Variants in MAPK10 observed in about 807,000 individuals in gnomAD.
MAPK10 encodes the protein JNK3 alpha protein kinase.
Under a neutral mutation model 59.3 loss-of-function variants are expected in MAPK10, and 25 were observed. The observed-to-expected ratio is 0.42, with a 90% CI of 0.31 to 0.59. MAPK10 has a LOEUF of 0.59. Ranked by LOEUF, MAPK10 falls within the 20% of genes least tolerant of loss-of-function variation. The pLI is 0.15. For missense variants in MAPK10, 351 were observed against 568.9 expected (o/e 0.62, Z 3.90); for synonymous variants, 190 against 200.5 (o/e 0.95, Z 0.44).
chr4:86,574,470 G>C (rs1578154717), intron 1 of MAPK10, among the ~76,000 whole-genome samples: 1 of 151,684 alleles, frequency 6.6e-6, no homozygotes, highest in East Asian at 1.9e-4. Flanking sequence ...AGATCCCTGA[G>C]GAGTCGCCAC....
At chr4:86,114,801 C>T (rs888926015) in intron 4 of MAPK10, among the ~76,000 whole-genome samples, 4 of 152,234 alleles carry the variant, frequency 2.6e-5, no homozygotes, top group African/African-American at 4.8e-5. Context: ...AGACTGTGGC[C>T]GCTCCTCCCC....
rs574394279 is a variant in MAPK10 at position 86,377,728 on chromosome 4, T to C, written c.-121-23084A>G. On this transcript the variant is annotated intron_variant, in intron 1 of 13. Coordinates refer to the MAPK10 transcript ENST00000361569. ...AGCTTGTGCTCTTCCTCCTCTATAG[T>C]CTATTCTCAGAGCAGCTATATTAGT... 2.0e-5 allele frequency among the ~76,000 whole-genome samples: 3 copies of C among 152,236 alleles called. No individual in the cohort carries two copies. In the East Asian group the frequency reaches 5.8e-4, roughly 29 times the overall value.
intron 11 of MAPK10, among the ~76,000 whole-genome samples, chr4:86,041,729 T>C (rs907068399): frequency 6.6e-5 from 10 of 152,214 alleles, no homozygotes; most frequent in Non-Finnish European, 1.3e-4. Flanking sequence ...AAGCTCATCA[T>C]CACTGGTCAT....
chr4:86,044,632 G>A (rs1203916355), intron 11 of MAPK10: 1 of 396,388 alleles, frequency 2.5e-6, no homozygotes, highest in Non-Finnish European at 4.5e-6. Flanking sequence ...TTAAAGAACA[G>A]GACAAAGAAA....
At chr4:86,522,098 T>C (rs1381574742) in intron 1 of MAPK10, among the ~76,000 whole-genome samples, 14 of 152,344 alleles carry the variant, frequency 9.2e-5, no homozygotes, top group Admixed American at 5.9e-4. Flanking sequence ...TAAGGTTAAC[T>C]CCTTTTCCCA....
intron 1 of MAPK10, among the ~76,000 whole-genome samples, chr4:86,366,804 G>T (rs1737979025): frequency 6.6e-6 from 1 of 152,180 alleles, no homozygotes; most frequent in African/African-American, 2.4e-5. Flanking sequence ...AATTAAGGGG[G>T]TAGCAGTGAA....
chr4:86,525,999 C>T (rs1757448968), intron 1 of MAPK10, among the ~76,000 whole-genome samples: 1 of 152,044 alleles, frequency 6.6e-6, no homozygotes, highest in African/African-American at 2.4e-5. Context: ...TTTTGCATCT[C>T]TCTTCATTAT....
intron 9 of MAPK10, among the ~76,000 whole-genome samples, chr4:86,070,814 C>G (rs2047755801): frequency 1.3e-5 from 2 of 151,780 alleles, no homozygotes; most frequent in Admixed American, 6.6e-5. Context: ...GGGTTGGTTC[C>G]AAGTCTTTGC....
chr4:86,099,791 T>C (rs1275278014), intron 8 of MAPK10: 1 of 152,258 alleles, frequency 6.6e-6, no homozygotes, highest in South Asian at 2.1e-4. Flanking sequence ...TGTTTCTCCT[T>C]TGACTTTTTA....
intron 9 of MAPK10, among the ~76,000 whole-genome samples, chr4:86,070,525 A>T (rs1177419337): frequency 2.0e-5 from 3 of 148,290 alleles, no homozygotes; most frequent in African/African-American, 7.4e-5. Context: ...ATATCTCCCA[A>T]TGCTATCCTT....
At chr4:86,144,653 G>C (rs1281505451) in intron 4 of MAPK10, among the ~76,000 whole-genome samples, 2 of 152,028 alleles carry the variant, frequency 1.3e-5, no homozygotes, top group South Asian at 2.1e-4. Context: ...TGTATAGCAG[G>C]CCTTATATAA....
chr4:86,381,592 C>T (rs1014955181), intron 1 of MAPK10, among the ~76,000 whole-genome samples: 4 of 152,164 alleles, frequency 2.6e-5, no homozygotes, highest in East Asian at 1.9e-4. Context: ...CCAAGGTATT[C>T]GTGTCCCTGC....
Position 86,517,565 on chromosome 4 carries a change from G to T in MAPK10, c.-263+76345C>A, listed in dbSNP as rs567827295. ...GCTGGGATTACAGGCATGAGCTACC[G>T]CACCCGGCCTATTATCTTTTTGATA... On this transcript the variant is annotated intron_variant, in intron 1 of 4. Transcript: ENST00000502302. Among the ~76,000 whole-genome samples, 7 of 152,076 alleles carry T rather than the reference G, an allele frequency of 4.6e-5. No individual in the cohort carries two copies. The East Asian group carries it at 1.4e-3, about 30-fold the overall frequency.
At position 86,422,540 on chromosome 4, in the gene MAPK10, A is replaced by G. The variant is rs533351128; in HGVS notation, c.-122+30490T>C. Among the ~76,000 whole-genome samples the G allele has an allele frequency of 2.0e-5, 3 of 152,348 alleles. No individual in the cohort carries two copies. In the East Asian group the frequency reaches 5.8e-4, roughly 29 times the overall value. ...TCCGCTTCCTGCTGTGCCTATGAGA[A>G]TAATATAGGAAATCAGAATGGCTTC... On this transcript the variant is annotated intron_variant, in intron 1 of 13. Transcript: ENST00000361569.
intron 11 of MAPK10, among the ~76,000 whole-genome samples, chr4:86,063,499 C>T (rs764200822): frequency 6.6e-6 from 1 of 152,018 alleles, no homozygotes; most frequent in Non-Finnish European, 1.5e-5. Flanking sequence ...CATTTAAAGG[C>T]AGTGCAGAAA....
At chr4:86,109,985 T>C (rs1007506894) in intron 4 of MAPK10, among the ~76,000 whole-genome samples, 3 of 152,232 alleles carry the variant, frequency 2.0e-5, no homozygotes, top group African/African-American at 4.8e-5. Context: ...TAACCAGTAA[T>C]GTTGAGCTTT....
chr4:86,446,843 T>A lies in MAPK10; in HGVS notation c.-122+6187A>T, dbSNP rs746555065. ...TCTTTTCATGTGCTTCTCCTGAACTTCTTCTTCTTTGAATTACCTGTTCAT... is the reference window on the plus strand; with the variant it reads ...TCTTTTCATGTGCTTCTCCTGAACTACTTCTTCTTTGAATTACCTGTTCAT... On this transcript the variant is annotated intron_variant, in intron 1 of 13. Coordinates refer to the MAPK10 transcript ENST00000361569. Among the ~76,000 whole-genome samples, 42 of 152,344 alleles carry A rather than the reference T, an allele frequency of 2.8e-4. 1 individual carries two copies. Among genetic ancestry groups the A allele is most frequent in the Admixed American group, 1.3e-3 (20 of 15,296 alleles).
In MAPK10 at chr4:86,182,354, C is replaced by T. The variant is rs906116548; in HGVS notation, c.66+11982G>A. On this transcript the variant is annotated intron_variant, in intron 3 of 13. Coordinates refer to ENST00000641462, the MANE Select transcript of MAPK10 (RefSeq NM_138982.4). ...TTCAGCAATTTCATTTTCCGTATTT[C>T]TCTGATTTCTTGCAGACAATAGTGA... Among the ~76,000 whole-genome samples, 9 of 152,240 alleles carry T rather than the reference C, an allele frequency of 5.9e-5. 2 individuals carry two copies. Among genetic ancestry groups the T allele is most frequent in the Admixed American group, 1.3e-4 (2 of 15,266 alleles).
intron 2 of MAPK10, among the ~76,000 whole-genome samples, chr4:86,215,212 A>C (rs952635607): frequency 6.6e-6 from 1 of 152,248 alleles, no homozygotes; most frequent in Non-Finnish European, 1.5e-5. Context: ...ATTCACATGC[A>C]AACAAATGAA....
Sources: allele counts gnomAD v4.1 joint callset (sites outside exome capture counted in the v4.1 genomes callset), GRCh38; gene constraint gnomAD v4.1.1; transcripts MANE v1.5; gene names NCBI Gene and HGNC (gene_info 2026-07-23, HGNC 2026-07-21).